Variants in CTNNBL1 observed in about 807,000 individuals in gnomAD.
CTNNBL1 encodes beta-catenin-like protein 1.
CTNNBL1 carries 31 observed loss-of-function variants against 72.7 expected under a neutral mutation model. The observed-to-expected ratio is 0.43, with a 90% CI of 0.32 to 0.58. The LOEUF (loss-of-function observed/expected upper bound fraction) is 0.58. Among genes scored for constraint, CTNNBL1 ranks in the 20% least tolerant of loss-of-function variants. The pLI, the probability that CTNNBL1 is intolerant of heterozygous loss-of-function variation, is 0.08. For missense variants in CTNNBL1, 534 were observed against 725.1 expected, an observed-to-expected ratio of 0.74 and a Z score of 3.03; for synonymous variants, 240 against 267.3, an observed-to-expected ratio of 0.90 and a Z score of 1.00.
At position 37,757,556 on chromosome 20, in the gene CTNNBL1, C is replaced by G. The variant is rs1354565255; in HGVS notation, c.467-3C>G. On this transcript the variant is annotated splice_polypyrimidine_tract_variant and splice_region_variant and intron_variant, in intron 4 of 15. Transcript: ENST00000361383. Reference sequence around the variant, plus strand: ...TGTGTGTTATACCCTTAACATTTTTCACATGTGTCCATAGCTGTGGTCGAT... The same window carrying G: ...TGTGTGTTATACCCTTAACATTTTTGACATGTGTCCATAGCTGTGGTCGAT... The G allele has an allele frequency of 6.2e-7, 1 of 1,609,784 alleles. No individual in the cohort carries two copies. Among genetic ancestry groups the G allele is most frequent in the South Asian group, 1.1e-5 (1 of 90,846 alleles).
At chr20:37,751,850 T>G (rs1376741472) in intron 4 of CTNNBL1, among the ~76,000 whole-genome samples, 1 of 152,240 alleles carries the variant, frequency 6.6e-6, no homozygotes, top group Non-Finnish European at 1.5e-5. Flanking sequence ...TGAGCTGTTA[T>G]TTTGCTAGGA....
At chr20:37,720,624 T>C (rs1008538782) in intron 1 of CTNNBL1, among the ~76,000 whole-genome samples, 11 of 152,216 alleles carry the variant, frequency 7.2e-5, no homozygotes, top group African/African-American at 2.7e-4. Context: ...GTCTAAATAG[T>C]CCAGCCAGGA....
chr20:37,814,359 T>C (rs1352337414), intron 11 of CTNNBL1, among the ~76,000 whole-genome samples: 2 of 152,198 alleles, frequency 1.3e-5, no homozygotes, highest in South Asian at 4.1e-4. Flanking sequence ...CATTTCTCCC[T>C]GGCTCACTTT....
intron 11 of CTNNBL1, among the ~76,000 whole-genome samples, chr20:37,804,813 G>GA (rs1279275333): frequency 6.6e-6 from 1 of 152,220 alleles, no homozygotes; most frequent in Non-Finnish European, 1.5e-5. Flanking sequence ...CTTTTCTTCT[G>GA]AAAAATGTGC....
intron 5 of CTNNBL1, among the ~76,000 whole-genome samples, chr20:37,763,582 A>G (rs905849266): frequency 2.6e-5 from 4 of 152,190 alleles, no homozygotes; most frequent in African/African-American, 2.4e-5. Flanking sequence ...TTCAAGATCT[A>G]TGCCACCTAC....
intron 10 of CTNNBL1, among the ~76,000 whole-genome samples, chr20:37,797,685 C>T (rs2073790136): frequency 6.6e-6 from 1 of 152,168 alleles, no homozygotes; most frequent in Admixed American, 6.5e-5. Flanking sequence ...AGTCTTTCTG[C>T]CTCTGATATT....
intron 11 of CTNNBL1, among the ~76,000 whole-genome samples, chr20:37,817,777 G>T (rs2072072973): frequency 6.6e-6 from 1 of 152,212 alleles, no homozygotes; most frequent in African/African-American, 2.4e-5. Context: ...ACTTTAAGTA[G>T]CAAGAATCTA....
At chr20:37,843,373 C>T (rs937939751) in intron 13 of CTNNBL1, among the ~76,000 whole-genome samples, 2 of 152,138 alleles carry the variant, frequency 1.3e-5, no homozygotes, top group South Asian at 2.1e-4. Flanking sequence ...CCCACCTTCC[C>T]GTGTTGGGAT....
At chr20:37,783,341 C>CT (rs1407131012) in intron 10 of CTNNBL1, among the ~76,000 whole-genome samples, 1 of 151,716 alleles carries the variant, frequency 6.6e-6, no homozygotes, top group Admixed American at 6.6e-5. Context: ...TCTTTTTTAT[C>CT]TTTTTTTGTT....
intron 11 of CTNNBL1, among the ~76,000 whole-genome samples, chr20:37,821,745 C>T (rs977362747): frequency 1.3e-5 from 2 of 152,128 alleles, no homozygotes; most frequent in Non-Finnish European, 2.9e-5. Context: ...ATTTTCTCAC[C>T]CTTGGCACTA....
chr20:37,825,346 C>T (rs1366017688), intron 11 of CTNNBL1, among the ~76,000 whole-genome samples: 2 of 149,226 alleles, frequency 1.3e-5, no homozygotes, highest in South Asian at 2.2e-4. Flanking sequence ...GAATGAGACT[C>T]CGTCTCAAAA....
intron 1 of CTNNBL1, chr20:37,727,282 G>A (rs1246658725): frequency 2.1e-6 from 2 of 934,364 alleles, no homozygotes; most frequent in African/African-American, 1.8e-5. Context: ...TCATGAAGAT[G>A]TCTTGATTTC....
intron 1 of CTNNBL1, among the ~76,000 whole-genome samples, chr20:37,700,869 C>T (rs548063776): frequency 6.6e-6 from 1 of 152,166 alleles, no homozygotes; most frequent in Non-Finnish European, 1.5e-5. Context: ...ATATTGCAGA[C>T]ACCCACTCCT....
intron 13 of CTNNBL1, among the ~76,000 whole-genome samples, chr20:37,850,336 T>C (rs139407773): frequency 6.6e-6 from 1 of 152,322 alleles, no homozygotes; most frequent in Non-Finnish European, 1.5e-5. Context: ...CAAGGTTAAA[T>C]CCCAGCTCTG....
rs2073780886 is a variant in CTNNBL1, at chr20:37,796,979, G to T, written c.1032-5888G>T. ...GTGGCGGGCGGTGGGGGTGATATGGGTAGTGATGTGTTGGAGCCGGCTCAT... is the reference window on the plus strand; with the variant it reads ...GTGGCGGGCGGTGGGGGTGATATGGTTAGTGATGTGTTGGAGCCGGCTCAT... On this transcript the variant is annotated intron_variant, in intron 10 of 15. Transcript: ENST00000361383. Among the ~76,000 whole-genome samples, 5 of 152,322 alleles carry T rather than the reference G, an allele frequency of 3.3e-5. No individual in the cohort carries two copies. In the South Asian group the frequency reaches 1.0e-3, roughly 32 times the overall value.
At chr20:37,826,057 A>G (rs951807928) in intron 11 of CTNNBL1, among the ~76,000 whole-genome samples, 1 of 152,210 alleles carries the variant, frequency 6.6e-6, no homozygotes, top group Non-Finnish European at 1.5e-5. Context: ...CTTCCCTAAT[A>G]TACAAACACT....
At position 37,814,235 on chromosome 20, in the gene CTNNBL1, A is replaced by G. The variant is rs866238815; in HGVS notation, c.1213+11187A>G. 3.3e-5 allele frequency among the ~76,000 whole-genome samples: 5 copies of G among 152,212 alleles called. No homozygotes were observed. In the South Asian group the frequency reaches 6.2e-4, roughly 19 times the overall value. On this transcript the variant is annotated intron_variant, in intron 11 of 15. Transcript: ENST00000361383. ...TTTTAGATCATAAATTAAGGTTGCT[A>G]ACCTGTAGTGGGACTAATTTAAACT...
At chr20:37,842,861 A>C (rs1439520992) in intron 13 of CTNNBL1, among the ~76,000 whole-genome samples, 1 of 152,224 alleles carries the variant, frequency 6.6e-6, no homozygotes, top group Non-Finnish European at 1.5e-5. Context: ...CAGTTACCCC[A>C]TTTACAGATG....
chr20:37,737,949 A>C (rs760383776), intron 3 of CTNNBL1, among the ~76,000 whole-genome samples: 1 of 152,236 alleles, frequency 6.6e-6, no homozygotes, highest in Non-Finnish European at 1.5e-5. Context: ...GGCTCCTGGA[A>C]GGAAAGCAGC....
Sources: allele counts gnomAD v4.1 joint callset (sites outside exome capture counted in the v4.1 genomes callset), GRCh38; gene constraint gnomAD v4.1.1; transcripts MANE v1.5; gene names NCBI Gene and HGNC (gene_info 2026-07-23, HGNC 2026-07-21).